Variants in RAB1A observed in about 807,000 individuals in gnomAD.
RAB1A encodes RAB1A, member RAS oncogene family.
RAB1A carries 2 observed loss-of-function variants against 26.0 expected under a neutral mutation model. The observed-to-expected ratio is 0.08, with a 90% CI of 0.03 to 0.24. The LOEUF (loss-of-function observed/expected upper bound fraction) is 0.24, where lower values mean the gene tolerates loss of function less well. Among genes scored for constraint, RAB1A ranks in the 10% least tolerant of loss-of-function variants. RAB1A has a pLI of 1.00. For missense variants in RAB1A, 100 were observed against 247.0 expected, an observed-to-expected ratio of 0.40 and a Z score of 3.99; for synonymous variants, 84 against 84.9, an observed-to-expected ratio of 0.99 and a Z score of 0.06.
At chr2:65,114,229 AG>A (rs1669771426) in intron 1 of RAB1A, 1 of 359,866 alleles carries the variant, frequency 2.8e-6, no homozygotes, top group Non-Finnish European at 5.5e-6. Flanking sequence ...ACTTTACAAA[AG>A]AAAGCTGATT....
chr2:65,090,520 A>G (rs1669148561), intron 4 of RAB1A, among the ~76,000 whole-genome samples: 1 of 152,104 alleles, frequency 6.6e-6, no homozygotes, highest in Non-Finnish European at 1.5e-5. Flanking sequence ...ATCCTCCTAC[A>G]GCTTATCCTA....
chr2:65,094,976 T>C (rs1186596737), intron 3 of RAB1A, among the ~76,000 whole-genome samples: 2 of 152,164 alleles, frequency 1.3e-5, no homozygotes, highest in African/African-American at 4.8e-5. Flanking sequence ...CAGGCAGCTC[T>C]ACAAGGCGGA....
intron 1 of RAB1A, among the ~76,000 whole-genome samples, chr2:65,122,583 T>A (rs887383727): frequency 6.6e-6 from 1 of 152,048 alleles, no homozygotes; most frequent in Non-Finnish European, 1.5e-5. Flanking sequence ...ACACTCAAAG[T>A]TGATTAGCAA....
At chr2:65,124,977 A>G (rs1220032170) in intron 1 of RAB1A, among the ~76,000 whole-genome samples, 2 of 151,926 alleles carry the variant, frequency 1.3e-5, no homozygotes, top group African/African-American at 4.8e-5. Flanking sequence ...CACCACCAAA[A>G]GTCACAAAGA....
chr2:65,100,059 C>A (rs6725335), intron 2 of RAB1A, among the ~76,000 whole-genome samples: 124,653 of 152,140 alleles, frequency 0.82, 51,163 homozygotes, highest in African/African-American at 0.83. Context: ...CAAATGGAAA[C>A]TGTATTTTGC....
At chr2:65,107,798 G>C (rs1015506911) in intron 1 of RAB1A, among the ~76,000 whole-genome samples, 1 of 152,148 alleles carries the variant, frequency 6.6e-6, no homozygotes, top group Non-Finnish European at 1.5e-5. Flanking sequence ...GTTGCCTGAA[G>C]TATCACCTTA....
chr2:65,101,658 C>A (rs1436892096), intron 2 of RAB1A, among the ~76,000 whole-genome samples: 1 of 148,260 alleles, frequency 6.7e-6, no homozygotes, highest in Non-Finnish European at 1.5e-5. Flanking sequence ...TAAATGACAC[C>A]TAAGTTTAAC....
chr2:65,128,029 T>C (rs1031861458), intron 1 of RAB1A, among the ~76,000 whole-genome samples: 1 of 152,142 alleles, frequency 6.6e-6, no homozygotes, highest in Non-Finnish European at 1.5e-5. Flanking sequence ...CCACCGCGCC[T>C]GGCCTATATC....
At chr2:65,110,612 A>AGAAAAT (rs1669673094) in intron 1 of RAB1A, among the ~76,000 whole-genome samples, 1 of 152,142 alleles carries the variant, frequency 6.6e-6, no homozygotes, top group Non-Finnish European at 1.5e-5. Flanking sequence ...TGAGAAAAAC[A>AGAAAAT]GAAAATGACC....
chr2:65,109,953 T>C (rs1248500380), intron 1 of RAB1A, among the ~76,000 whole-genome samples: 2 of 152,174 alleles, frequency 1.3e-5, no homozygotes, highest in African/African-American at 2.4e-5. Flanking sequence ...CTTACTCATC[T>C]ACGTATACAA....
Position 65,128,369 on chromosome 2 carries a change from T to G in RAB1A, c.23+1524A>C, listed in dbSNP as rs184324081. Among the ~76,000 whole-genome samples, 603 of 152,328 alleles carry G rather than the reference T, an allele frequency of 4.0e-3. 6 individuals carry two copies. Among genetic ancestry groups the G allele is most frequent in the African/African-American group, 0.014 (576 of 41,568 alleles). On this transcript the variant is annotated intron_variant, in intron 1 of 5. Coordinates refer to ENST00000409784, the MANE Select transcript of RAB1A (RefSeq NM_004161.5). ...ACCTCGATAAAGCAGTAAATCCATG[T>G]TCTTTATTGTTACCAAGAAAACTAC...
intron 1 of RAB1A, among the ~76,000 whole-genome samples, chr2:65,124,211 T>C (rs778989679): frequency 5.9e-5 from 9 of 152,150 alleles, no homozygotes; most frequent in Non-Finnish European, 1.0e-4. Context: ...GGTCTAGAAC[T>C]GACCTCAAGT....
rs1553392776 is a variant in RAB1A at position 65,103,304 on chromosome 2, A to AAAAAACAAAAAAAAAAC, written c.96+1429_96+1430insGTTTTTTTTTTGTTTTT. 7.1e-4 allele frequency among the ~76,000 whole-genome samples: 80 copies of AAAAAACAAAAAAAAAAC among 112,534 alleles called. 7 individuals carry two copies. Among genetic ancestry groups the AAAAAACAAAAAAAAAAC allele is most frequent in the South Asian group, 2.4e-3 (8 of 3,358 alleles). The allele number at this position is 112,534 out of a possible 152,430, so 73.8% of individuals were successfully genotyped here. On this transcript the variant is annotated intron_variant, in intron 2 of 5. Transcript: ENST00000409784. ...AACACAGCCAGAATCTGTCTCAAAA[A>AAAAAACAAAAAAAAAAC]AAAAAAAAAACATTGTTTTATGTGA...
intron 1 of RAB1A, among the ~76,000 whole-genome samples, chr2:65,118,438 T>C (rs1460244262): frequency 6.6e-6 from 1 of 152,174 alleles, no homozygotes; most frequent in African/African-American, 2.4e-5. Flanking sequence ...CAACTCTTAA[T>C]ATACTCTGAT....
chr2:65,104,939 T>C (rs765701751), intron 1 of RAB1A, 133 bp from the exon 2 acceptor site: 1 of 816,600 alleles, frequency 1.2e-6, no homozygotes, highest in Non-Finnish European at 2.2e-6. Context: ...CATGCATGGC[T>C]TAAGCCAAAA....
chr2:65,117,942 C>G (rs1301523301), intron 1 of RAB1A, among the ~76,000 whole-genome samples: 1 of 152,200 alleles, frequency 6.6e-6, no homozygotes, highest in Non-Finnish European at 1.5e-5. Flanking sequence ...AGTGGGACAT[C>G]CAAGCCTTTG....
intron 1 of RAB1A, among the ~76,000 whole-genome samples, chr2:65,110,059 C>G (rs1323932069): frequency 6.6e-6 from 1 of 152,150 alleles, no homozygotes; most frequent in Admixed American, 6.6e-5. Flanking sequence ...TTGTGAGATA[C>G]AGCTACAGAA....
At chr2:65,102,814 T>C (rs1440309906) in intron 2 of RAB1A, among the ~76,000 whole-genome samples, 2 of 151,474 alleles carry the variant, frequency 1.3e-5, no homozygotes, top group Non-Finnish European at 2.9e-5. Flanking sequence ...TAATCCCAGC[T>C]ACTTGGGAGG....
chr2:65,128,264 C>T (rs1346292303), intron 1 of RAB1A, among the ~76,000 whole-genome samples: 1 of 152,094 alleles, frequency 6.6e-6, no homozygotes, highest in East Asian at 1.9e-4. Flanking sequence ...AAGTTCTCAA[C>T]TAATCTTGAA....
Sources: gnomAD v4.1 joint callset for allele counts (sites outside exome capture counted in the v4.1 genomes callset) on GRCh38, gnomAD v4.1.1 for gene constraint, MANE v1.5 for transcripts, NCBI Gene and HGNC (gene_info 2026-07-23, HGNC 2026-07-21) for gene names.